The following SNTG1 variants were observed in gnomAD, a reference collection of about 807,000 sequenced individuals.
SNTG1 encodes the protein gamma-1-syntrophin.
SNTG1 carries 39 observed loss-of-function variants against 74.7 expected under a neutral mutation model. The ratio of observed to expected loss-of-function variants is 0.52; its 90% CI spans 0.40 to 0.68. The LOEUF is 0.68. SNTG1 is among the 30% of genes least tolerant of loss of function. The pLI is 0.00. For missense variants in SNTG1, 685 were observed against 609.5 expected (o/e 1.12, Z -1.30); for synonymous variants, 254 against 217.1 (o/e 1.17, Z -1.49).
chr8:50,305,360 T>C (rs1395372409), intron 2 of SNTG1, among the ~76,000 whole-genome samples: 3 of 152,130 alleles, frequency 2.0e-5, no homozygotes, highest in African/African-American at 7.2e-5. Context: ...TTTTTTAATG[T>C]TTGTTTTTAA....
At chr8:50,646,239 C>G (rs948405561) in intron 13 of SNTG1, among the ~76,000 whole-genome samples, 8 of 152,124 alleles carry the variant, frequency 5.3e-5, no homozygotes, top group Non-Finnish European at 2.9e-5. Flanking sequence ...GGAATTATAA[C>G]ATAATTAGAT....
At chr8:49,996,384 A>G (rs1178768173) in intron 1 of SNTG1, among the ~76,000 whole-genome samples, 1 of 150,440 alleles carries the variant, frequency 6.6e-6, no homozygotes, top group African/African-American at 2.4e-5. Flanking sequence ...TTTTTTTTTT[A>G]CCTCCACAAT....
chr8:50,298,010 ATG>A (rs1479100293), intron 2 of SNTG1, among the ~76,000 whole-genome samples: 1 of 135,592 alleles, frequency 7.4e-6, no homozygotes, highest in Non-Finnish European at 1.6e-5. Context: ...GAAACACATT[ATG>A]TCACAATCCT....
intron 13 of SNTG1, among the ~76,000 whole-genome samples, chr8:50,600,411 C>T (rs2094763957): frequency 6.6e-6 from 1 of 152,004 alleles, no homozygotes; most frequent in East Asian, 1.9e-4. Flanking sequence ...AGCAGTGAAG[C>T]CATTGGGTCC....
intron 17 of SNTG1, among the ~76,000 whole-genome samples, chr8:50,721,544 A>C (rs1041162210): frequency 1.3e-5 from 2 of 152,218 alleles, no homozygotes; most frequent in African/African-American, 4.8e-5. Context: ...ATGGGACTCT[A>C]AGTCTTTCCT....
intron 1 of SNTG1, among the ~76,000 whole-genome samples, chr8:50,023,438 A>G (rs1052400152): frequency 1.3e-5 from 2 of 152,174 alleles, no homozygotes; most frequent in African/African-American, 2.4e-5. Flanking sequence ...TGGCACTTAA[A>G]ATGGCATTAT....
intron 13 of SNTG1, among the ~76,000 whole-genome samples, chr8:50,617,378 TCACACACACACACA>T (rs3999830): frequency 5.4e-5 from 8 of 146,948 alleles, no homozygotes; most frequent in African/African-American, 1.0e-4. Context: ...AGTAAGCATT[TCACACACACACACA>T]CACACACACA....
intron 1 of SNTG1, among the ~76,000 whole-genome samples, chr8:50,153,193 G>A (rs571249452): frequency 3.9e-4 from 60 of 152,100 alleles, no homozygotes; most frequent in Middle Eastern, 3.4e-3. Context: ...CCACTTGATC[G>A]AATTGGCTAC....
intron 17 of SNTG1, among the ~76,000 whole-genome samples, chr8:50,744,311 A>C (rs1011696600): frequency 6.6e-6 from 1 of 152,062 alleles, no homozygotes; most frequent in African/African-American, 2.4e-5. Context: ...CTGGAAAAGC[A>C]TTTGAGAAGA....
At chr8:50,252,439 A>G (rs140883816) in intron 2 of SNTG1, among the ~76,000 whole-genome samples, 36 of 152,320 alleles carry the variant, frequency 2.4e-4, no homozygotes, top group African/African-American at 7.9e-4. Flanking sequence ...GAAAAAATAA[A>G]CAAAATTAAC....
At chr8:50,005,287 T>C (rs1585857513) in intron 1 of SNTG1, among the ~76,000 whole-genome samples, 1 of 152,060 alleles carries the variant, frequency 6.6e-6, no homozygotes, top group African/African-American at 2.4e-5. Flanking sequence ...TATTATTTTA[T>C]TTTTCAAAAT....
intron 15 of SNTG1, among the ~76,000 whole-genome samples, chr8:50,701,672 C>CTT (rs1563761569): frequency 6.9e-6 from 1 of 144,182 alleles, no homozygotes; most frequent in African/African-American, 2.7e-5. Context: ...TCTTCTTCTT[C>CTT]CTTCTTCTTC....
intron 17 of SNTG1, among the ~76,000 whole-genome samples, chr8:50,735,338 A>G (rs2095525606): frequency 6.6e-6 from 1 of 151,876 alleles, no homozygotes; most frequent in African/African-American, 2.4e-5. Flanking sequence ...CTAAAGGAGC[A>G]TGTTCTAAAC....
chr8:50,099,127 C>G (rs1051974192), intron 1 of SNTG1, among the ~76,000 whole-genome samples: 2 of 152,088 alleles, frequency 1.3e-5, no homozygotes, highest in Non-Finnish European at 2.9e-5. Flanking sequence ...ATTTCAGACT[C>G]TGTGTTACTT....
intron 1 of SNTG1, among the ~76,000 whole-genome samples, chr8:50,003,864 C>A (rs1019893790): frequency 3.9e-5 from 6 of 152,158 alleles, no homozygotes; most frequent in African/African-American, 1.2e-4. Context: ...GTGTCTCTCT[C>A]CTGTTTTCTG....
chr8:50,309,830 A>G (rs1011793112), intron 2 of SNTG1, among the ~76,000 whole-genome samples: 4 of 152,232 alleles, frequency 2.6e-5, no homozygotes, highest in East Asian at 3.8e-4. Flanking sequence ...TAGTATCAAA[A>G]AAAACCTTTT....
intron 2 of SNTG1, among the ~76,000 whole-genome samples, chr8:50,305,795 A>T (rs1283730895): frequency 6.6e-6 from 1 of 152,002 alleles, no homozygotes. Context: ...TAATATCTGG[A>T]TTAAGAAATC....
At chr8:50,330,057 A>C (rs575099629) in intron 2 of SNTG1, among the ~76,000 whole-genome samples, 2 of 152,236 alleles carry the variant, frequency 1.3e-5, no homozygotes, top group South Asian at 4.2e-4. Context: ...CATTGTCCAC[A>C]TCTAATATGG....
At chr8:50,403,673 G>T (rs939087736) in intron 4 of SNTG1, among the ~76,000 whole-genome samples, 14 of 152,102 alleles carry the variant, frequency 9.2e-5, no homozygotes, top group Admixed American at 6.6e-5. Context: ...TATAAATAAA[G>T]CTCAGAGTGC....
Sources: allele counts gnomAD v4.1 joint callset (sites outside exome capture counted in the v4.1 genomes callset), GRCh38; gene constraint gnomAD v4.1.1; transcripts MANE v1.5; gene names NCBI Gene and HGNC (gene_info 2026-07-23, HGNC 2026-07-21).